The following SGCZ variants were observed in gnomAD, a reference collection of about 807,000 sequenced individuals.
The protein encoded by SGCZ is zeta-sarcoglycan.
In SGCZ, 40 loss-of-function variants were observed where a neutral mutation model predicts 41.3. The ratio of observed to expected loss-of-function variants is 0.97; its 90% CI spans 0.75 to 1.26. The LOEUF is 1.26. SGCZ is among the 50% of genes most tolerant of loss of function. The probability of loss-of-function intolerance (pLI) is 0.00; values close to 1 mark genes in which losing one functional copy is unlikely to be tolerated. For missense variants in SGCZ, 552 were observed against 369.8 expected, an observed-to-expected ratio of 1.49 and a Z score of -4.04; for synonymous variants, 206 against 137.5, an observed-to-expected ratio of 1.50 and a Z score of -3.49.
chr8:14,400,341 G>A (rs1279677114), intron 2 of SGCZ, among the ~76,000 whole-genome samples: 1 of 152,022 alleles, frequency 6.6e-6, no homozygotes, highest in Admixed American at 6.6e-5. Context: ...GATTTTGTGT[G>A]GATATATGTT....
chr8:14,605,196 CAG>C (rs1184652421), intron 1 of SGCZ, among the ~76,000 whole-genome samples: 7 of 147,400 alleles, frequency 4.7e-5, no homozygotes, highest in African/African-American at 1.8e-4. Flanking sequence ...AACAAGCAAA[CAG>C]TGACTCCATT....
intron 1 of SGCZ, among the ~76,000 whole-genome samples, chr8:15,023,970 T>A (rs1007835353): frequency 6.6e-6 from 1 of 152,206 alleles, no homozygotes; most frequent in Non-Finnish European, 1.5e-5. Flanking sequence ...GAGTGCAGAA[T>A]ACAGGGACCA....
At chr8:14,261,262 T>G (rs1799656908) in intron 3 of SGCZ, among the ~76,000 whole-genome samples, 1 of 152,176 alleles carries the variant, frequency 6.6e-6, no homozygotes, top group Non-Finnish European at 1.5e-5. Context: ...CTTTTAATAT[T>G]TTAATCATAA....
chr8:14,420,003 A>C (rs1004679354), intron 2 of SGCZ, among the ~76,000 whole-genome samples: 2 of 152,072 alleles, frequency 1.3e-5, no homozygotes, highest in East Asian at 1.9e-4. Context: ...ATTTGTTGAA[A>C]GTATATTTTC....
At chr8:14,776,630 A>T (rs1279897984) in intron 1 of SGCZ, among the ~76,000 whole-genome samples, 2 of 143,036 alleles carry the variant, frequency 1.4e-5, no homozygotes, top group African/African-American at 5.2e-5. Flanking sequence ...AGTAGCTGGG[A>T]CTACAGGCGC....
chr8:14,421,859 A>G (rs1369742181), intron 2 of SGCZ, among the ~76,000 whole-genome samples: 1 of 152,256 alleles, frequency 6.6e-6, no homozygotes, highest in Non-Finnish European at 1.5e-5. Context: ...AAGAGGAAAA[A>G]AATACTTTGA....
intron 1 of SGCZ, among the ~76,000 whole-genome samples, chr8:14,750,365 A>G (rs536258117): frequency 6.6e-6 from 1 of 152,282 alleles, no homozygotes; most frequent in South Asian, 2.1e-4. Context: ...AAAATAAATC[A>G]TTTAAAATAT....
chr8:15,107,196 G>C (rs1806862689), intron 1 of SGCZ, among the ~76,000 whole-genome samples: 1 of 152,120 alleles, frequency 6.6e-6, no homozygotes, highest in South Asian at 2.1e-4. Flanking sequence ...ATCATGCTCT[G>C]CTGATTTTGT....
intron 1 of SGCZ, among the ~76,000 whole-genome samples, chr8:14,592,194 T>C (rs1286959836): frequency 2.0e-5 from 3 of 152,156 alleles, no homozygotes; most frequent in African/African-American, 7.2e-5. Context: ...CTACACATTA[T>C]CTCCAGGCCT....
At chr8:14,580,788 CAT>C (rs1337364849) in intron 1 of SGCZ, among the ~76,000 whole-genome samples, 4 of 152,178 alleles carry the variant, frequency 2.6e-5, no homozygotes, top group African/African-American at 9.7e-5. Context: ...GATACTATCA[CAT>C]GTGCCATTCT....
chr8:14,747,693 G>T (rs199897619), intron 1 of SGCZ, among the ~76,000 whole-genome samples: 1,059 of 53,456 alleles, frequency 0.02, 8 homozygotes, highest in Middle Eastern at 0.071. Flanking sequence ...TTATTATTAT[G>T]TGTGTGTGTA....
chr8:14,613,802 CTT>C (rs566060416), intron 1 of SGCZ, among the ~76,000 whole-genome samples: 37 of 152,144 alleles, frequency 2.4e-4, no homozygotes, highest in African/African-American at 7.5e-4. Context: ...GTTGGCCACT[CTT>C]TTCAAGGAAT....
At chr8:14,964,915 A>C (rs1801083216) in intron 1 of SGCZ, among the ~76,000 whole-genome samples, 1 of 152,068 alleles carries the variant, frequency 6.6e-6, no homozygotes, top group Non-Finnish European at 1.5e-5. Context: ...TTTTGAACTG[A>C]CTGAACCTGG....
At chr8:14,733,997 G>C (rs541635832) in intron 1 of SGCZ, among the ~76,000 whole-genome samples, 1 of 152,312 alleles carries the variant, frequency 6.6e-6, no homozygotes, top group South Asian at 2.1e-4. Flanking sequence ...CCATAAATCA[G>C]TTAATGGAGA....
intron 5 of SGCZ, among the ~76,000 whole-genome samples, chr8:14,125,230 C>A (rs1392858685): frequency 6.6e-6 from 1 of 152,006 alleles, no homozygotes; most frequent in African/African-American, 2.4e-5. Context: ...GCCTGCAATC[C>A]CAGCACTTTG....
chr8:14,529,951 A>C (rs142062656), intron 2 of SGCZ, among the ~76,000 whole-genome samples: 1 of 152,132 alleles, frequency 6.6e-6, no homozygotes, highest in Non-Finnish European at 1.5e-5. Context: ...TTAAAGAAAA[A>C]TTACTTTATA....
chr8:14,776,639 G>T (rs984701389), intron 1 of SGCZ, among the ~76,000 whole-genome samples: 1 of 149,720 alleles, frequency 6.7e-6, no homozygotes, highest in Non-Finnish European at 1.5e-5. Flanking sequence ...GACTACAGGC[G>T]CCTACCACCA....
At chr8:14,553,762 A>G (rs1482942750) in intron 2 of SGCZ, among the ~76,000 whole-genome samples, 2 of 152,068 alleles carry the variant, frequency 1.3e-5, no homozygotes, top group East Asian at 1.9e-4. Flanking sequence ...ACCAATACCC[A>G]GTGGGGTTTA....
intron 4 of SGCZ, among the ~76,000 whole-genome samples, chr8:14,185,680 T>C (rs1184519146): frequency 6.6e-6 from 1 of 152,166 alleles, no homozygotes; most frequent in Non-Finnish European, 1.5e-5. Context: ...TTGTGTTTTG[T>C]TTTGTTTTGT....
Sources: allele counts gnomAD v4.1 joint callset (sites outside exome capture counted in the v4.1 genomes callset), GRCh38; gene constraint gnomAD v4.1.1; transcripts MANE v1.5; gene names NCBI Gene and HGNC (gene_info 2026-07-23, HGNC 2026-07-21).